ALAS2: variants seen among roughly 807,000 people sequenced by gnomAD.
ALAS2 encodes the protein 5-aminolevulinate synthase, erythroid-specific, mitochondrial.
A neutral mutation model predicts 33.7 loss-of-function variants in ALAS2; 3 were observed. The ratio of observed to expected loss-of-function variants is 0.09; its 90% CI spans 0.04 to 0.23. The LOEUF (loss-of-function observed/expected upper bound fraction) is 0.23, where lower values mean the gene tolerates loss of function less well. Ranked by LOEUF, ALAS2 falls within the 10% of genes least tolerant of loss-of-function variation. ALAS2 has a pLI of 1.00. For synonymous variants in ALAS2, 191 were observed against 177.3 expected, an observed-to-expected ratio of 1.08 and a Z score of -0.61; for missense variants, 304 against 475.1, an observed-to-expected ratio of 0.64 and a Z score of 3.35.
At chrX:55,016,651 A>G (rs2146718667) in intron 7 of ALAS2, among the ~76,000 whole-genome samples, 1 of 112,112 alleles carries the variant, frequency 8.9e-6, no homozygotes, top group South Asian at 3.7e-4. Flanking sequence ...CTCTTCCCTT[A>G]AATAAATCCA....
At chrX:55,025,521 A>G (rs1935877232) in intron 2 of ALAS2, among the ~76,000 whole-genome samples, 1 of 110,236 alleles carries the variant, frequency 9.1e-6, no homozygotes, top group Non-Finnish European at 1.9e-5. Context: ...TTTAGTAGAT[A>G]TGGGATTTCA....
chrX:55,020,515 G>T lies in ALAS2; in HGVS notation c.639-11C>A. Reference sequence around the variant, plus strand: ...CGCTGCAGGGTCTCCCTGGCCAGGAGAAAACAGGAGAAAAGGAGAAAAAGA... The same window carrying T: ...CGCTGCAGGGTCTCCCTGGCCAGGATAAAACAGGAGAAAAGGAGAAAAAGA... On this transcript the variant is annotated splice_polypyrimidine_tract_variant and intron_variant, in intron 5 of 10. Transcript: ENST00000650242. 1 of 1,166,792 alleles carries T rather than the reference G, an allele frequency of 8.6e-7. No homozygotes were observed. The highest frequency in any genetic ancestry group is 1.1e-6 in the Non-Finnish European group (1 of 872,746).
intron 2 of ALAS2, among the ~76,000 whole-genome samples, chrX:55,025,469 G>T (rs766201845): frequency 9.0e-6 from 1 of 110,896 alleles, no homozygotes; most frequent in African/African-American, 3.3e-5. Context: ...AAGCAGCTGG[G>T]ATTACAGGCG....
intron 6 of ALAS2, among the ~76,000 whole-genome samples, chrX:55,020,108 A>T (rs1935774574): frequency 9.0e-6 from 1 of 111,613 alleles, no homozygotes; most frequent in Non-Finnish European, 1.9e-5. Flanking sequence ...GAGGTGGGGT[A>T]ATGTTCCCCG....
chrX:55,026,151 C>G, intron 1 of ALAS2, 136 bp from the exon 2 acceptor site: 3 of 540,070 alleles, frequency 5.6e-6, no homozygotes, highest in Non-Finnish European at 9.2e-6. Context: ...AGGGAAAGAA[C>G]TTCTTTCCCA....
At chrX:55,013,398 C>T (rs1339208055) in intron 10 of ALAS2, 88 bp downstream of exon 10, 13 of 983,364 alleles carry the variant, frequency 1.3e-5, no homozygotes, top group Non-Finnish European at 1.8e-5. Context: ...ATTTTGTAAA[C>T]TCAGTGGTCT....
rs45479691 is a variant in ALAS2 at position 55,021,308 on chromosome X, G to A, written c.416-34C>T. 55,732 of 1,112,267 alleles carry A rather than the reference G, an allele frequency of 0.05. 1,091 individuals are homozygous for A. The highest frequency in any genetic ancestry group is 0.06 in the Non-Finnish European group (48,389 of 806,222). The allele number at this position is 1,112,267 out of a possible 1,213,427, so 91.7% of individuals were successfully genotyped here. ...GCAGATATGAGGATGAAAAGAATTCGTTTTAAGTCTCTCCCTGGCTAGTCT... is the reference window on the plus strand; with the variant it reads ...GCAGATATGAGGATGAAAAGAATTCATTTTAAGTCTCTCCCTGGCTAGTCT... On this transcript the variant is annotated intron_variant, in intron 4 of 10. Coordinates refer to ENST00000650242, the MANE Select transcript of ALAS2 (RefSeq NM_000032.5).
At chrX:55,024,015 G>A (rs777391730) in intron 3 of ALAS2, 148 bp from the exon 4 acceptor site, 15 of 496,710 alleles carry the variant, frequency 3.0e-5, no homozygotes, top group Non-Finnish European at 5.3e-5. Flanking sequence ...TCTTCTCCAA[G>A]GTGAGCTTCT....
At chrX:55,013,761 G>A in intron 9 of ALAS2, 113 bp from the exon 10 acceptor site, 1 of 953,992 alleles carries the variant, frequency 1.0e-6, no homozygotes, top group Non-Finnish European at 1.5e-6. Context: ...TTTTGGGATA[G>A]ATTTTTTTTT....
At chrX:55,023,502 CATT>C (rs1456868723) in intron 4 of ALAS2, among the ~76,000 whole-genome samples, 2 of 110,889 alleles carry the variant, frequency 1.8e-5, no homozygotes, top group African/African-American at 6.6e-5. Flanking sequence ...AATGAAGCCT[CATT>C]AGAAACACTT....
intron 9 of ALAS2, among the ~76,000 whole-genome samples, 172 bp downstream of exon 9, chrX:55,014,575 T>C (rs1362201408): frequency 8.9e-6 from 1 of 112,647 alleles, no homozygotes; most frequent in African/African-American, 3.2e-5. Context: ...AAAAGACTGG[T>C]TAATCCAGAA....
In ALAS2 at chrX:55,014,776, G is replaced by A. The variant is rs1935670559; in HGVS notation, c.1408C>T (p.Pro470Ser). ...LLMDRGLPVIPCPSHIIPIRV... is the reference protein window; with the variant it reads ...LLMDRGLPVISCPSHIIPIRV... ...ATGGGGATGATGTGGCTGGGGCAGG[G>A]GATGACAGGAAGGCCCCTGTCCATG... Residue 470 changes from proline to serine, a missense_variant, in exon 9 of 11, where the codon CCC becomes TCC. Transcript: ENST00000650242. 1.7e-6 allele frequency: 2 copies of A among 1,192,904 alleles called. No individual in the cohort carries two copies. The highest frequency in any genetic ancestry group is 2.3e-6 in the Non-Finnish European group (2 of 883,663).
Position 55,020,509 on chromosome X carries a change from CCAGGAGAAAA to C in ALAS2, c.639-15_639-6del, listed in dbSNP as rs768351347. 1 of 1,170,289 alleles carries C rather than the reference CCAGGAGAAAA, an allele frequency of 8.5e-7. No homozygotes were observed. Among genetic ancestry groups the C allele is most frequent in the South Asian group, 1.9e-5 (1 of 52,804 alleles). On this transcript the variant is annotated splice_region_variant and splice_polypyrimidine_tract_variant and intron_variant, in intron 5 of 10. Transcript: ENST00000650242. Reference sequence around the variant, plus strand: ...CCATGACGCTGCAGGGTCTCCCTGGCCAGGAGAAAACAGGAGAAAAGGAGAAAAAGAAACT... The same window carrying C: ...CCATGACGCTGCAGGGTCTCCCTGGCCAGGAGAAAAGGAGAAAAAGAAACT...
Position 55,017,606 on chromosome X carries a change from T to C in ALAS2, c.883A>G (p.Ser295Gly), listed in dbSNP as rs1935725727. Reference sequence around the variant, plus strand: ...CTGAAGACAAACTTGGCTGCTCCACTGTTACGGATACCTTGGATCATGGAA... The same window carrying C: ...CTGAAGACAAACTTGGCTGCTCCACCGTTACGGATACCTTGGATCATGGAA... ...HASMIQGIRN[S>G]GAAKFVFRHN... Residue 295 changes from serine (S) to glycine (G), a missense_variant, in exon 7 of 11, where the codon AGT becomes GGT. Physicochemically the swap from Ser to Gly is moderately conservative, Grantham distance 56. This residue lies in a region of ALAS2 where 138 missense variants were observed against 265.3 expected (regional missense o/e 0.52). Transcript: ENST00000650242. 2.5e-6 allele frequency: 3 copies of C among 1,209,953 alleles called. No homozygotes were observed. The highest frequency in any genetic ancestry group is 1.8e-5 in the African/African-American group (1 of 57,084).
At chrX:55,023,208 G>C (rs982846943) in intron 4 of ALAS2, among the ~76,000 whole-genome samples, 1 of 110,233 alleles carries the variant, frequency 9.1e-6, no homozygotes, top group Non-Finnish European at 1.9e-5. Flanking sequence ...GTGTGTGTGT[G>C]TGTGTGTGTG....
intron 1 of ALAS2, among the ~76,000 whole-genome samples, chrX:55,030,083 A>C (rs1305588228): frequency 9.0e-6 from 1 of 110,567 alleles, no homozygotes; most frequent in Non-Finnish European, 1.9e-5. Context: ...CCACCATGAA[A>C]GAATCATACA....
chrX:55,030,318 T>C (rs1238562364), intron 1 of ALAS2, among the ~76,000 whole-genome samples: 1 of 111,679 alleles, frequency 9.0e-6, no homozygotes, highest in Non-Finnish European at 1.9e-5. Flanking sequence ...TCTTCACTTA[T>C]TTCTGCTAAT....
At chrX:55,016,722 A>T (rs1425133396) in intron 7 of ALAS2, among the ~76,000 whole-genome samples, 1 of 112,434 alleles carries the variant, frequency 8.9e-6, no homozygotes, top group Non-Finnish European at 1.9e-5. Context: ...AAAGCTTTGG[A>T]CATTGTTTCA....
At chrX:55,029,926 C>G (rs1935963679) in intron 1 of ALAS2, among the ~76,000 whole-genome samples, 1 of 110,155 alleles carries the variant, frequency 9.1e-6, no homozygotes, top group African/African-American at 3.3e-5. Flanking sequence ...AGCCAGAAAA[C>G]ACTCATTGCA....
Sources: gnomAD v4.1 joint callset for allele counts (sites outside exome capture counted in the v4.1 genomes callset) on GRCh38, gnomAD v4.1.1 for gene constraint, gnomAD v4.1.1 regional missense constraint, MANE v1.5 for transcripts, NCBI Gene and HGNC (gene_info 2026-07-23, HGNC 2026-07-21) for gene names.